PRKG1: variants seen among roughly 807,000 people sequenced by gnomAD.
PRKG1 encodes the protein protein kinase cGMP-dependent 1.
In PRKG1, 35 loss-of-function variants were observed where a neutral mutation model predicts 88.1. The observed-to-expected ratio is 0.40, with a 90% CI of 0.30 to 0.53. The LOEUF (loss-of-function observed/expected upper bound fraction) is 0.53. Ranked by LOEUF, PRKG1 falls within the 20% of genes least tolerant of loss-of-function variation. The pLI is 0.59. For missense variants in PRKG1, 540 were observed against 839.8 expected, an observed-to-expected ratio of 0.64 and a Z score of 4.41; for synonymous variants, 303 against 292.5, an observed-to-expected ratio of 1.04 and a Z score of -0.37.
chr10:51,481,239 G>A (rs1327764501), intron 3 of PRKG1, among the ~76,000 whole-genome samples: 1 of 111,160 alleles, frequency 9.0e-6, no homozygotes, highest in Non-Finnish European at 1.7e-5. Context: ...CTTCTTTCTT[G>A]CTCTCTCTGT....
chr10:51,778,585 ATTC>A (rs1838502730), intron 3 of PRKG1, among the ~76,000 whole-genome samples: 1 of 152,218 alleles, frequency 6.6e-6, no homozygotes, highest in African/African-American at 2.4e-5. Flanking sequence ...AGAGTGAATT[ATTC>A]TTAGTTTTAA....
At chr10:52,194,460 C>T (rs890192652) in intron 9 of PRKG1, among the ~76,000 whole-genome samples, 9 of 152,030 alleles carry the variant, frequency 5.9e-5, no homozygotes, top group Non-Finnish European at 1.0e-4. Context: ...GAACTAAATA[C>T]TTAGGATTAG....
rs41280442 is a variant in PRKG1 at position 52,271,335 on chromosome 10, C to T, written c.1174-15C>T. On this transcript the variant is annotated splice_polypyrimidine_tract_variant and intron_variant, in intron 10 of 17. Coordinates refer to ENST00000373980, the MANE Select transcript of PRKG1 (RefSeq NM_006258.4). ...TCTATGGGCTTTTTCTTACTCTCTTCTCTCTTTCTTTAAGGTCCAGTTGAA... is the reference window on the plus strand; with the variant it reads ...TCTATGGGCTTTTTCTTACTCTCTTTTCTCTTTCTTTAAGGTCCAGTTGAA... The T allele has an allele frequency of 1.2e-5, 20 of 1,610,166 alleles. No homozygotes were observed. The highest frequency in any genetic ancestry group is 1.7e-5 in the Non-Finnish European group (20 of 1,177,260).
chr10:52,051,941 C>T (rs2133249613), intron 5 of PRKG1, among the ~76,000 whole-genome samples: 1 of 151,138 alleles, frequency 6.6e-6, no homozygotes, highest in South Asian at 2.1e-4. Context: ...GAGCTTCATT[C>T]ACGTGGAAGG....
chr10:51,185,370 C>T (rs1837459729), intron 2 of PRKG1, among the ~76,000 whole-genome samples: 2 of 152,052 alleles, frequency 1.3e-5, no homozygotes, highest in Admixed American at 6.6e-5. Context: ...CAATGCCGTT[C>T]TATTTATAAA....
intron 3 of PRKG1, among the ~76,000 whole-genome samples, chr10:51,580,742 G>A (rs1838010675): frequency 1.3e-5 from 2 of 152,054 alleles, no homozygotes; most frequent in African/African-American, 4.8e-5. Flanking sequence ...ATGCAACTAT[G>A]CTTTTTCTAA....
chr10:51,647,534 T>C (rs191674861), intron 3 of PRKG1, among the ~76,000 whole-genome samples: 2 of 152,272 alleles, frequency 1.3e-5, no homozygotes, highest in East Asian at 3.9e-4. Flanking sequence ...CAGTTACTCA[T>C]ATAAAAGCAG....
intron 2 of PRKG1, among the ~76,000 whole-genome samples, chr10:51,219,113 A>C (rs937180339): frequency 1.3e-5 from 2 of 152,354 alleles, no homozygotes; most frequent in Middle Eastern, 3.4e-3. Flanking sequence ...ATTTTAATTA[A>C]ATGAGTAGTA....
chr10:52,122,457 C>T (rs1054699962), intron 7 of PRKG1, among the ~76,000 whole-genome samples: 2 of 152,194 alleles, frequency 1.3e-5, no homozygotes, highest in East Asian at 1.9e-4. Flanking sequence ...TCAAACTTAT[C>T]TTTCACCTAT....
At chr10:51,490,982 A>G (rs1840694825) in intron 3 of PRKG1, among the ~76,000 whole-genome samples, 1 of 152,058 alleles carries the variant, frequency 6.6e-6, no homozygotes, top group Non-Finnish European at 1.5e-5. Flanking sequence ...GAACACCCCA[A>G]TATGAAAAGT....
chr10:51,356,854 G>A (rs1393824466), intron 2 of PRKG1, among the ~76,000 whole-genome samples: 2 of 151,872 alleles, frequency 1.3e-5, no homozygotes, highest in Non-Finnish European at 1.5e-5. Context: ...TACCTCTATC[G>A]CTGAACTATT....
chr10:51,678,007 A>T (rs1295886347), intron 3 of PRKG1, among the ~76,000 whole-genome samples: 3 of 152,200 alleles, frequency 2.0e-5, no homozygotes, highest in Non-Finnish European at 2.9e-5. Flanking sequence ...GTAAAGGAGA[A>T]AAAAAGAGAA....
Position 52,221,588 on chromosome 10 carries a change from A to G in PRKG1, c.1077-29982A>G, listed in dbSNP as rs78121335. ...AAACCAGAATATGAACTAGGTGTTAAGTCATATTTATTTTAAAGTAATCCA... is the reference window on the plus strand; with the variant it reads ...AAACCAGAATATGAACTAGGTGTTAGGTCATATTTATTTTAAAGTAATCCA... On this transcript the variant is annotated intron_variant, in intron 9 of 17. Transcript: ENST00000373980. Among the ~76,000 whole-genome samples, 23 of 152,284 alleles carry G rather than the reference A, an allele frequency of 1.5e-4. No individual in the cohort carries two copies. In the East Asian group the frequency reaches 4.4e-3, roughly 29 times the overall value.
intron 2 of PRKG1, among the ~76,000 whole-genome samples, chr10:51,313,794 C>G (rs1258284756): frequency 6.6e-5 from 10 of 152,266 alleles, no homozygotes; most frequent in Non-Finnish European, 4.4e-5. Flanking sequence ...TAAATCATCT[C>G]TAGGTTACTT....
At chr10:51,295,931 T>C (rs939370346) in intron 2 of PRKG1, among the ~76,000 whole-genome samples, 1 of 152,174 alleles carries the variant, frequency 6.6e-6, no homozygotes, top group Non-Finnish European at 1.5e-5. Context: ...ATTGAGATGA[T>C]CATATTGTTT....
At chr10:51,817,347 A>ACCCCCCCCCCCC (rs367740899) in intron 4 of PRKG1, among the ~76,000 whole-genome samples, 14 of 129,584 alleles carry the variant, frequency 1.1e-4, no homozygotes, top group South Asian at 5.5e-4. Flanking sequence ...TCCCTCCCCA[A>ACCCCCCCCCCCC]CCCCCCCCCT....
intron 3 of PRKG1, among the ~76,000 whole-genome samples, chr10:51,786,529 C>T (rs932077722): frequency 2.0e-5 from 3 of 152,078 alleles, no homozygotes; most frequent in African/African-American, 7.2e-5. Flanking sequence ...CTTCCCTCAC[C>T]ACTAGGGCTA....
chr10:51,508,421 T>C (rs1196073088), intron 3 of PRKG1, among the ~76,000 whole-genome samples: 2 of 152,182 alleles, frequency 1.3e-5, no homozygotes, highest in African/African-American at 4.8e-5. Context: ...GGCTATGCCA[T>C]GCATTAATGA....
At chr10:52,292,111 T>C (rs1842263565) in intron 17 of PRKG1, among the ~76,000 whole-genome samples, 1 of 152,142 alleles carries the variant, frequency 6.6e-6, no homozygotes, top group Non-Finnish European at 1.5e-5. Context: ...TGGGGTTGTT[T>C]GTTTTTTTTC....
Sources: allele counts gnomAD v4.1 joint callset (sites outside exome capture counted in the v4.1 genomes callset), GRCh38; gene constraint gnomAD v4.1.1; transcripts MANE v1.5; gene names NCBI Gene and HGNC (gene_info 2026-07-23, HGNC 2026-07-21).